The following MADD variants were observed in gnomAD, a reference collection of about 807,000 sequenced individuals.
MADD encodes MAP kinase activating death domain, also known as MAP kinase-activating death domain protein.
MADD carries 109 observed loss-of-function variants against 176.7 expected under a neutral mutation model. The ratio of observed to expected loss-of-function variants is 0.62; its 90% CI spans 0.53 to 0.72. MADD has a LOEUF of 0.72. MADD is among the 30% of genes least tolerant of loss of function. The pLI is 0.00. For missense variants in MADD, 1,914 were observed against 2,045.5 expected, an observed-to-expected ratio of 0.94 and a Z score of 1.24; for synonymous variants, 771 against 771.3, an observed-to-expected ratio of 1.00 and a Z score of 0.01.
chr11:47,287,564 C>G (rs757044318), intron 15 of MADD, among the ~76,000 whole-genome samples: 4 of 151,960 alleles, frequency 2.6e-5, no homozygotes, highest in Non-Finnish European at 5.9e-5. Flanking sequence ...CACATACCAC[C>G]TCGCCTGGCT....
intron 25 of MADD, 131 bp downstream of exon 28, chr11:47,309,743 G>T (rs541612322): frequency 1.5e-6 from 1 of 650,150 alleles, no homozygotes; most frequent in Non-Finnish European, 2.7e-6. Flanking sequence ...TTGATTGAAA[G>T]TCTGAGGCCT....
exon 28 of MADD, chr11:47,323,672 T>C: frequency 6.2e-7 from 1 of 1,612,636 alleles, no homozygotes; most frequent in Non-Finnish European, 8.5e-7. Context: ...CTTCTCCAGG[T>C]GTGCGATGAC....
chr11:47,313,337 C>T (rs902624294), intron 26 of MADD, among the ~76,000 whole-genome samples: 8 of 151,064 alleles, frequency 5.3e-5, no homozygotes, highest in South Asian at 2.1e-4. Context: ...GACGGAGTCT[C>T]GCTCTGTGGC....
intron 3 of MADD, among the ~76,000 whole-genome samples, 184 bp downstream of exon 3, chr11:47,275,343 G>A (rs1013231831): frequency 6.6e-6 from 1 of 152,226 alleles, no homozygotes; most frequent in Non-Finnish European, 1.5e-5. Flanking sequence ...CCAGGCTGGA[G>A]TACAGTGGTG....
intron 27 of MADD, among the ~76,000 whole-genome samples, chr11:47,315,837 T>C (rs1156267756): frequency 6.7e-6 from 1 of 148,900 alleles, no homozygotes; most frequent in Non-Finnish European, 1.5e-5. Flanking sequence ...CATTTCTTTT[T>C]TTTTTTTTTT....
At chr11:47,284,845 A>G in intron 12 of MADD, 96 bp from the exon 13 acceptor site, 2 of 1,523,804 alleles carry the variant, frequency 1.3e-6, no homozygotes, top group Non-Finnish European at 1.8e-6. Flanking sequence ...CTTAGGCTAG[A>G]AATCTGACAG....
exon 1 of MADD, chr11:47,270,193 C>T (rs1958956584): frequency 6.6e-6 from 1 of 152,128 alleles, no homozygotes; most frequent in Non-Finnish European, 1.5e-5. Context: ...CGACTGACGC[C>T]CCGCTGCCGG....
chr11:47,290,471 C>G lies in MADD; in HGVS notation c.3095-139C>G. 5.6e-6 allele frequency: 7 copies of G among 1,256,830 alleles called. No homozygotes were observed. In the South Asian group the frequency reaches 7.4e-5, roughly 13 times the overall value. The allele number at this position is 1,256,830 out of a possible 1,614,324, so 77.9% of individuals were successfully genotyped here. On this transcript the variant is annotated intron_variant, in intron 18 of 32. Coordinates refer to ENST00000402192, the Ensembl canonical transcript of MADD. ...TATACGCAGTGGGTATTCTTTGTTA[C>G]GAAAAATAAGACATCAGCTCATCTT...
At chr11:47,309,933 C>T (rs1377324071) in intron 25 of MADD, among the ~76,000 whole-genome samples, 4 of 151,752 alleles carry the variant, frequency 2.6e-5, no homozygotes, top group Non-Finnish European at 4.4e-5. Context: ...CCTCTGCCTC[C>T]CCAGTTCAAG....
rs780848112 is a variant in MADD at position 47,315,203 on chromosome 11, AATCTCTCTTTCATCAGAATGGACGCG to A, written c.4090-8_4107del. The A allele has an allele frequency of 6.4e-7, 1 of 1,554,260 alleles. No homozygotes were observed. Among genetic ancestry groups the A allele is most frequent in the Non-Finnish European group, 8.9e-7 (1 of 1,126,016 alleles). ...GAGGGATGTATGACTGTCCCTAAAA[AATCTCTCTTTCATCAGAATGGACGCG>A]ATCTCTCTATCTGGTCCAGTGGCAG... On this transcript the variant is annotated splice_acceptor_variant and splice_polypyrimidine_tract_variant and coding_sequence_variant and intron_variant, in exon 27 of 33. Coordinates refer to ENST00000402192, the Ensembl canonical transcript of MADD. LOFTEE classifies it high-confidence loss of function.
intron 22 of MADD, among the ~76,000 whole-genome samples, chr11:47,302,084 G>T (rs1356549247): frequency 6.6e-5 from 10 of 152,052 alleles, no homozygotes. Context: ...TTATTGTATT[G>T]GTGTGTATCT....
chr11:47,282,646 G>C, intron 9 of MADD, 30 bp downstream of exon 9: 1 of 1,608,088 alleles, frequency 6.2e-7, no homozygotes, highest in Non-Finnish European at 8.5e-7. Context: ...GCTCCGCTCT[G>C]CCTTGTGCCT....
intron 22 of MADD, among the ~76,000 whole-genome samples, chr11:47,297,172 A>G (rs1049653841): frequency 6.6e-6 from 1 of 152,218 alleles, no homozygotes; most frequent in African/African-American, 2.4e-5. Flanking sequence ...GCTTATACGC[A>G]TAGGTCCTTA....
At chr11:47,319,907 G>A (rs1006661319) in intron 27 of MADD, among the ~76,000 whole-genome samples, 6 of 147,318 alleles carry the variant, frequency 4.1e-5, no homozygotes, top group East Asian at 2.0e-4. Flanking sequence ...CAGGAGAATC[G>A]CTTGAACCCG....
intron 12 of MADD, 51 bp from the exon 13 acceptor site, chr11:47,284,890 A>G: frequency 6.2e-7 from 1 of 1,603,428 alleles, no homozygotes; most frequent in South Asian, 1.1e-5. Flanking sequence ...GGATTACAGG[A>G]AGGTACCATT....
exon 17 of MADD, chr11:47,289,875 A>G: frequency 6.2e-7 from 1 of 1,613,642 alleles, no homozygotes; most frequent in Non-Finnish European, 8.5e-7. Context: ...AGTGAGAACC[A>G]GCAGTTCCTG....
At chr11:47,300,708 G>A (rs921782830) in intron 22 of MADD, among the ~76,000 whole-genome samples, 1 of 152,060 alleles carries the variant, frequency 6.6e-6, no homozygotes, top group Non-Finnish European at 1.5e-5. Context: ...ACGTTGGCCA[G>A]GCTAGTCTTG....
chr11:47,326,668 GGA>G (rs767420282), intron 30 of MADD, 68 bp from the exon 35 acceptor site: 3 of 1,574,442 alleles, frequency 1.9e-6, no homozygotes, highest in Non-Finnish European at 2.6e-6. Context: ...GCTGTAGCTG[GGA>G]GAGTGTGCTG....
Position 47,290,473 on chromosome 11 carries a change from A to G in MADD, c.3095-137A>G, listed in dbSNP as rs2064204864. 4.7e-6 allele frequency: 6 copies of G among 1,265,730 alleles called. No individual in the cohort carries two copies. The South Asian group carries it at 8.8e-5, about 19-fold the overall frequency. 78.4% of individuals were successfully genotyped at this position (1,265,730 alleles called of 1,614,324 possible). ...TACGCAGTGGGTATTCTTTGTTACG[A>G]AAAATAAGACATCAGCTCATCTTTC... On this transcript the variant is annotated intron_variant, in intron 18 of 32. Coordinates refer to ENST00000402192, the Ensembl canonical transcript of MADD.
Sources: gnomAD v4.1 joint callset for allele counts (sites outside exome capture counted in the v4.1 genomes callset) on GRCh38, gnomAD v4.1.1 for gene constraint, MANE v1.5 for transcripts, NCBI Gene and HGNC (gene_info 2026-07-23, HGNC 2026-07-21) for gene names.